SGMS1: variants seen among roughly 807,000 people sequenced by gnomAD.
SGMS1 encodes the protein sphingomyelin synthase 1.
Under a neutral mutation model 46.2 loss-of-function variants are expected in SGMS1, and 13 were observed. The ratio of observed to expected loss-of-function variants is 0.28; its 90% CI spans 0.18 to 0.45. The LOEUF is 0.45. SGMS1 is among the 20% of genes least tolerant of loss of function. SGMS1 has a pLI of 1.00. For synonymous variants in SGMS1, 203 were observed against 187.8 expected, an observed-to-expected ratio of 1.08 and a Z score of -0.66; for missense variants, 324 against 519.9, an observed-to-expected ratio of 0.62 and a Z score of 3.66.
intron 8 of SGMS1, among the ~76,000 whole-genome samples, chr10:50,318,245 T>C (rs148112142): frequency 1.6e-3 from 240 of 152,236 alleles, no homozygotes; most frequent in African/African-American, 5.6e-3. Context: ...AGCTCACTTT[T>C]ATAGGAACAA....
At chr10:50,474,313 T>A (rs1347330736) in intron 3 of SGMS1, 1 of 152,246 alleles carries the variant, frequency 6.6e-6, no homozygotes, top group Non-Finnish European at 1.5e-5. Flanking sequence ...AGTCAGGTTT[T>A]TTGTTTGTTT....
chr10:50,354,236 A>C (rs1221542967), intron 6 of SGMS1, among the ~76,000 whole-genome samples: 1 of 152,160 alleles, frequency 6.6e-6, no homozygotes, highest in Admixed American at 6.5e-5. Flanking sequence ...CTGGTACCAA[A>C]ACAGAGATAT....
intron 6 of SGMS1, among the ~76,000 whole-genome samples, chr10:50,387,015 A>AAGCAAATGGTACTGT (rs1234793211): frequency 1.3e-5 from 2 of 152,130 alleles, no homozygotes; most frequent in Non-Finnish European, 2.9e-5. Context: ...CCTGGTACTC[A>AAGCAAATGGTACTGT]AGGTCAAGTG....
chr10:50,624,577 T>A (rs1445219691), upstream of SGMS1: 4 of 984,636 alleles, frequency 4.1e-6, no homozygotes, highest in Non-Finnish European at 4.8e-6. Flanking sequence ...TCCGACTGCG[T>A]CAGAGCCGCC....
chr10:50,429,898 T>C (rs1304144421), intron 6 of SGMS1, among the ~76,000 whole-genome samples: 1 of 152,132 alleles, frequency 6.6e-6, no homozygotes, highest in Non-Finnish European at 1.5e-5. Flanking sequence ...CTATTCAGGG[T>C]CATTCATTTA....
In SGMS1 at chr10:50,343,575, C is replaced by T. The variant is rs1406237416; in HGVS notation, c.540G>A (p.Val180=). 1.2e-6 allele frequency: 2 copies of T among 1,614,034 alleles called. No individual in the cohort carries two copies. The highest frequency in any genetic ancestry group is 1.7e-6 in the Non-Finnish European group (2 of 1,180,036). ...TTTCACAAATAGAAAAGGCCCACTG[C>T]ACCCGGTTAAAATGGTCAAAAAATG... The part of the protein sequence containing the change: ...PDTFFDHFNR[V]QWAFSICEIN... The change falls in exon 7 of 11, where the codon GTG becomes GTA. Residue 180 remains valine, a synonymous_variant. Transcript: ENST00000361781.
chr10:50,437,073 T>C lies in SGMS1; in HGVS notation c.-312-3517A>G, dbSNP rs536927568. Among the ~76,000 whole-genome samples, 3 of 152,372 alleles carry C rather than the reference T, an allele frequency of 2.0e-5. 1 individual carries two copies. Among genetic ancestry groups the C allele is most frequent in the South Asian group, 4.1e-4 (2 of 4,828 alleles). On this transcript the variant is annotated intron_variant, in intron 5 of 10. Coordinates refer to ENST00000361781, the MANE Select transcript of SGMS1 (RefSeq NM_147156.4). The stretch of plus-strand genomic sequence containing the variant: ...TATGGGTTAAAAGACATAATGTCTA[T>C]ACACAATTTAATAAAGTTCATGGCA...
rs980000213 is a variant in SGMS1 at position 50,552,935 on chromosome 10, G to A, written c.-588-33014C>T. Reference sequence around the variant, plus strand: ...TGGGAGTAGGGCAGCCACAAATCAAGGGAGGCTGACAGGCACCATAAACTG... The same window carrying A: ...TGGGAGTAGGGCAGCCACAAATCAAAGGAGGCTGACAGGCACCATAAACTG... On this transcript the variant is annotated intron_variant, in intron 2 of 10. Transcript: ENST00000361781. Among the ~76,000 whole-genome samples, 4 of 152,294 alleles carry A rather than the reference G, an allele frequency of 2.6e-5. No homozygotes were observed. In the South Asian group the frequency reaches 8.3e-4, roughly 32 times the overall value.
intron 3 of SGMS1, among the ~76,000 whole-genome samples, chr10:50,491,598 C>T (rs1837567916): frequency 6.6e-6 from 1 of 152,038 alleles, no homozygotes; most frequent in Non-Finnish European, 1.5e-5. Context: ...ACACATACAC[C>T]CTCCCAAGAT....
chr10:50,550,420 C>T (rs1838138361), intron 2 of SGMS1, among the ~76,000 whole-genome samples: 2 of 148,886 alleles, frequency 1.3e-5, no homozygotes, highest in South Asian at 4.1e-4. Context: ...GACTAGCTAT[C>T]CTGAAGCACA....
intron 6 of SGMS1, among the ~76,000 whole-genome samples, chr10:50,421,769 C>G (rs1380945695): frequency 6.6e-6 from 1 of 152,072 alleles, no homozygotes; most frequent in African/African-American, 2.4e-5. Context: ...CATGTACACT[C>G]GAGGGTCTAA....
intron 6 of SGMS1, among the ~76,000 whole-genome samples, chr10:50,425,767 G>T (rs148931642): frequency 6.6e-5 from 10 of 152,166 alleles, no homozygotes; most frequent in African/African-American, 2.2e-4. Context: ...TTAAAAAGCC[G>T]TGAATATTTA....
intron 5 of SGMS1, among the ~76,000 whole-genome samples, chr10:50,444,336 A>G (rs1290191983): frequency 6.6e-6 from 1 of 152,220 alleles, no homozygotes; most frequent in Non-Finnish European, 1.5e-5. Context: ...AGAAGACTAC[A>G]GACTTATATC....
At chr10:50,355,859 T>A (rs928914862) in intron 6 of SGMS1, among the ~76,000 whole-genome samples, 1 of 150,384 alleles carries the variant, frequency 6.6e-6, no homozygotes, top group African/African-American at 2.5e-5. Flanking sequence ...CTGTCTGAGA[T>A]GTGAAGAGCG....
chr10:50,566,036 A>G (rs903383053), intron 2 of SGMS1, among the ~76,000 whole-genome samples: 6 of 152,250 alleles, frequency 3.9e-5, no homozygotes, highest in Non-Finnish European at 8.8e-5. Context: ...GGTTCTGGCA[A>G]CCCAGTATTC....
chr10:50,325,133 G>A (rs949650850), intron 8 of SGMS1, among the ~76,000 whole-genome samples: 5 of 152,106 alleles, frequency 3.3e-5, no homozygotes, highest in Admixed American at 1.3e-4. Context: ...GTGAAATGAC[G>A]TTACCTGGGA....
chr10:50,337,524 A>G (rs1402191545), intron 7 of SGMS1, among the ~76,000 whole-genome samples: 2 of 152,228 alleles, frequency 1.3e-5, no homozygotes, highest in Non-Finnish European at 2.9e-5. Flanking sequence ...ACATAAAAAA[A>G]GGGAAAAATT....
Position 50,311,280 on chromosome 10 carries a change from A to G in SGMS1, c.877T>C (p.Tyr293His). The change falls in exon 9 of 11, where the codon TAC becomes CAC. Residue 293 changes from tyrosine to histidine, a missense_variant. Coordinates refer to ENST00000361781, the MANE Select transcript of SGMS1 (RefSeq NM_147156.4). ...GACTTACACTCTTTGATAAATAAGT[A>G]GGTAAGTGTTAGCATGACCGTGTGG... ...SGHTVMLTLTYLFIKEYSPRR... is the reference protein window; with the variant it reads ...SGHTVMLTLTHLFIKEYSPRR... The G allele has an allele frequency of 6.2e-7, 1 of 1,613,402 alleles. No homozygotes were observed. The highest frequency in any genetic ancestry group is 2.2e-5 in the East Asian group (1 of 44,898).
Position 50,524,996 on chromosome 10 carries a change from C to T in SGMS1, c.-588-5075G>A, listed in dbSNP as rs76885625. Among the ~76,000 whole-genome samples the T allele has an allele frequency of 5.6e-3, 850 of 152,160 alleles. 4 individuals carry two copies. Among genetic ancestry groups the T allele is most frequent in the Non-Finnish European group, 9.3e-3 (634 of 68,000 alleles). The stretch of plus-strand genomic sequence containing the variant: ...ACCAAGACAGGGTGATCAGCAATTT[C>T]TAAGAATCAAGTAATATACACATGG... On this transcript the variant is annotated intron_variant, in intron 2 of 10. Coordinates refer to ENST00000361781, the MANE Select transcript of SGMS1 (RefSeq NM_147156.4).
Sources: allele counts gnomAD v4.1 joint callset (sites outside exome capture counted in the v4.1 genomes callset), GRCh38; gene constraint gnomAD v4.1.1; transcripts MANE v1.5; gene names NCBI Gene and HGNC (gene_info 2026-07-23, HGNC 2026-07-21).